Variants in PRKN observed in about 807,000 individuals in gnomAD.
The protein encoded by PRKN is parkin RBR E3 ubiquitin protein ligase, also known as E3 ubiquitin-protein ligase parkin.
In PRKN, 56 loss-of-function variants were observed where a neutral mutation model predicts 59.5. The ratio of observed to expected loss-of-function variants is 0.94; its 90% CI spans 0.76 to 1.18. The LOEUF is 1.18. Among genes scored for constraint, PRKN ranks in the 50% most tolerant of loss-of-function variants. The probability of loss-of-function intolerance (pLI) is 0.00; values close to 1 mark genes in which losing one functional copy is unlikely to be tolerated. For synonymous variants in PRKN, 250 were observed against 222.1 expected, an observed-to-expected ratio of 1.13 and a Z score of -1.12; for missense variants, 657 against 596.4, an observed-to-expected ratio of 1.10 and a Z score of -1.06.
At chr6:161,556,568 T>C (rs1330837244) in intron 8 of PRKN, among the ~76,000 whole-genome samples, 1 of 152,194 alleles carries the variant, frequency 6.6e-6, no homozygotes, top group Non-Finnish European at 1.5e-5. Flanking sequence ...TTAATGGAGA[T>C]TTGTGACAAA....
chr6:161,860,945 G>A (rs1793871948), intron 6 of PRKN, among the ~76,000 whole-genome samples: 2 of 152,186 alleles, frequency 1.3e-5, no homozygotes, highest in Non-Finnish European at 2.9e-5. Flanking sequence ...TGCTGGCAAA[G>A]CTGTGGAGAA....
In PRKN at chr6:161,499,372, T is replaced by C. The variant is rs139785872; in HGVS notation, c.1083+49482A>G. Among the ~76,000 whole-genome samples the C allele has an allele frequency of 7.8e-3, 1,195 of 152,286 alleles. 24 individuals carry two copies. The highest frequency in any genetic ancestry group is 0.028 in the African/African-American group (1,150 of 41,540). On this transcript the variant is annotated intron_variant, in intron 9 of 11. Transcript: ENST00000366898. The surrounding 1 kb of genome is among the most constrained non-coding windows in gnomAD (Gnocchi z 4.2). ...ATCAAAAGTGGGAAAGGGCTGTGTTTTTCTAAAAGTAAGAGAAAGAGTGTA... is the reference window on the plus strand; with the variant it reads ...ATCAAAAGTGGGAAAGGGCTGTGTTCTTCTAAAAGTAAGAGAAAGAGTGTA...
At chr6:162,398,669 C>T (rs190588055) in intron 2 of PRKN, among the ~76,000 whole-genome samples, 7 of 152,136 alleles carry the variant, frequency 4.6e-5, no homozygotes, top group East Asian at 1.9e-4. Context: ...GGATTACAGG[C>T]GTGAGGCACT....
intron 1 of PRKN, among the ~76,000 whole-genome samples, chr6:162,611,836 ATACT>A (rs1182866411): frequency 9.2e-5 from 14 of 152,300 alleles, no homozygotes; most frequent in South Asian, 8.3e-4. Flanking sequence ...GCAGAAAAAG[ATACT>A]TAGTTATGAC....
intron 1 of PRKN, among the ~76,000 whole-genome samples, chr6:162,508,903 A>G (rs988709348): frequency 2.6e-5 from 4 of 152,142 alleles, no homozygotes; most frequent in African/African-American, 9.7e-5. Flanking sequence ...AAAGGAAGAT[A>G]AAGTTTCTTT....
chr6:162,104,724 T>A (rs999514900), intron 4 of PRKN, among the ~76,000 whole-genome samples: 2 of 152,098 alleles, frequency 1.3e-5, no homozygotes, highest in Non-Finnish European at 2.9e-5. Context: ...TTCCACACTT[T>A]TAGGGGTGGG....
chr6:161,391,369 G>A lies in PRKN; in HGVS notation c.1084-4492C>T, dbSNP rs1054164193. Among the ~76,000 whole-genome samples, 1 of 151,676 alleles carries A rather than the reference G, an allele frequency of 6.6e-6. No homozygotes were observed. Among genetic ancestry groups the A allele is most frequent in the African/African-American group, 2.4e-5 (1 of 41,216 alleles). On this transcript the variant is annotated intron_variant, in intron 9 of 11. Transcript: ENST00000366898. The surrounding 1 kb of genome is among the most constrained non-coding windows in gnomAD (Gnocchi z 4.9). ...GGAAACATGGAGTCCTGTTTATACC[G>A]TATACATTTTCAGGATTGTCTTCTC...
At chr6:161,902,952 G>T (rs1295694769) in intron 6 of PRKN, among the ~76,000 whole-genome samples, 1 of 152,194 alleles carries the variant, frequency 6.6e-6, no homozygotes, top group Non-Finnish European at 1.5e-5. Flanking sequence ...TCAGAAAGTT[G>T]TGTGCTGCAA....
intron 4 of PRKN, among the ~76,000 whole-genome samples, chr6:162,186,053 T>C (rs886665165): frequency 6.6e-6 from 1 of 152,104 alleles, no homozygotes; most frequent in African/African-American, 2.4e-5. Context: ...GAACCTTGTA[T>C]AGTTTTCTTG....
chr6:161,368,702 A>G (rs1785322788), intron 10 of PRKN, among the ~76,000 whole-genome samples: 1 of 148,436 alleles, frequency 6.7e-6, no homozygotes, highest in Non-Finnish European at 1.5e-5. Context: ...CAGCACTGCA[A>G]CTCCACTCCC....
chr6:161,374,591 G>A (rs371566263), intron 10 of PRKN, among the ~76,000 whole-genome samples: 3 of 2,238 alleles, frequency 1.3e-3, no homozygotes, highest in Admixed American at 3.8e-3. Context: ...TGTGGTGCAT[G>A]TGTGTGGTGT....
At position 162,302,959 on chromosome 6, in the gene PRKN, A is replaced by AACAC. The variant is rs1184692308; in HGVS notation, c.172-40195_172-40194insGTGT. 6.4e-4 allele frequency among the ~76,000 whole-genome samples: 31 copies of AACAC among 48,194 alleles called. 1 individual carries two copies. Among genetic ancestry groups the AACAC allele is most frequent in the African/African-American group, 1.3e-3 (23 of 18,200 alleles). 31.6% of individuals were successfully genotyped at this position (48,194 alleles called of 152,430 possible). A position where few individuals can be genotyped will look rare whatever the true frequency, so the allele number is the denominator to read the frequency against. ...CTATGGGTGAGTATTATATGCCTTA[A>AACAC]ACATACACACACACACACACACACA... On this transcript the variant is annotated intron_variant, in intron 2 of 11. Coordinates refer to ENST00000366898, the MANE Select transcript of PRKN (RefSeq NM_004562.3).
At position 161,419,386 on chromosome 6, in the gene PRKN, T is replaced by C. The variant is rs1455518132; in HGVS notation, c.1084-32509A>G. On this transcript the variant is annotated intron_variant, in intron 9 of 11. Transcript: ENST00000366898. The surrounding 1 kb of genome is among the most constrained non-coding windows in gnomAD (Gnocchi z 4.1). ...ACAGAGGGCCTTTCCTTTTTTCTTT[T>C]TTCTTCTTCTTTTTTTTTTTAAATG... Among the ~76,000 whole-genome samples, 1 of 98,134 alleles carries C rather than the reference T, an allele frequency of 1.0e-5. No homozygotes were observed. The highest frequency in any genetic ancestry group is 3.3e-4 in the East Asian group (1 of 3,044). The allele number at this position is 98,134 out of a possible 152,430, so 64.4% of individuals were successfully genotyped here. A position where few individuals can be genotyped will look rare whatever the true frequency, so the allele number is the denominator to read the frequency against.
chr6:162,601,090 G>A (rs941289288), intron 1 of PRKN, among the ~76,000 whole-genome samples: 1 of 152,126 alleles, frequency 6.6e-6, no homozygotes, highest in Non-Finnish European at 1.5e-5. Flanking sequence ...CCAAGAACAA[G>A]GCAACGGCAC....
chr6:162,430,886 G>A (rs1789487999), intron 2 of PRKN, among the ~76,000 whole-genome samples: 1 of 152,098 alleles, frequency 6.6e-6, no homozygotes. Flanking sequence ...AAAGTGTTAT[G>A]TACAAAAATT....
intron 3 of PRKN, among the ~76,000 whole-genome samples, chr6:162,235,429 C>T (rs538900219): frequency 1.8e-4 from 27 of 152,200 alleles, no homozygotes; most frequent in Non-Finnish European, 2.2e-4. Flanking sequence ...TAGCTATCTA[C>T]GAACATTACA....
intron 6 of PRKN, among the ~76,000 whole-genome samples, chr6:161,804,007 G>A (rs757202101): frequency 4.6e-5 from 7 of 152,310 alleles, no homozygotes; most frequent in Admixed American, 2.6e-4. Context: ...CAGACACATG[G>A]GGGGTGGCAC....
chr6:162,569,454 A>G, intron 1 of PRKN: 1 of 686,732 alleles, frequency 1.5e-6, no homozygotes, highest in South Asian at 1.4e-5. Flanking sequence ...ACCTACAGGA[A>G]GCTGCTGGAG....
chr6:162,655,897 T>C (rs1473355639), intron 1 of PRKN, among the ~76,000 whole-genome samples: 1 of 152,154 alleles, frequency 6.6e-6, no homozygotes, highest in Non-Finnish European at 1.5e-5. Context: ...TATTCATTAA[T>C]AGTAATTTAG....
Sources: allele counts gnomAD v4.1 joint callset (sites outside exome capture counted in the v4.1 genomes callset), GRCh38; gene constraint gnomAD v4.1.1; non-coding constraint Gnocchi (gnomAD v3.1); transcripts MANE v1.5; gene names NCBI Gene and HGNC (gene_info 2026-07-23, HGNC 2026-07-21).